Variants in REXO5 observed in about 807,000 individuals in gnomAD.
The protein encoded by REXO5 is RNA exonuclease 5, also known as exonuclease NEF-sp.
Under a neutral mutation model 88.5 loss-of-function variants are expected in REXO5, and 48 were observed. The observed-to-expected ratio is 0.54, with a 90% CI of 0.43 to 0.69. The LOEUF (loss-of-function observed/expected upper bound fraction) is 0.69, where lower values mean the gene tolerates loss of function less well. REXO5 is among the 30% of genes least tolerant of loss of function. The pLI, the probability that REXO5 is intolerant of heterozygous loss-of-function variation, is 0.00. For synonymous variants in REXO5, 311 were observed against 336.5 expected (o/e 0.92, Z 0.83); for missense variants, 749 against 912.2 (o/e 0.82, Z 2.30).
chr16:20,806,818 G>C (rs112664013), intron 1 of REXO5, 113 bp downstream of exon 1: 5 of 1,359,766 alleles, frequency 3.7e-6, no homozygotes, highest in Non-Finnish European at 3.9e-6. Context: ...GGATAGTTCG[G>C]TAAACTGAAT....
At chr16:20,815,493 C>G (rs1050553507) in intron 4 of REXO5, among the ~76,000 whole-genome samples, 12 of 152,144 alleles carry the variant, frequency 7.9e-5, no homozygotes, top group African/African-American at 2.9e-4. Flanking sequence ...CCATTTATTC[C>G]TGAAGGCATT....
chr16:20,821,379 C>T (rs536700731), intron 5 of REXO5, among the ~76,000 whole-genome samples: 103 of 152,244 alleles, frequency 6.8e-4, no homozygotes, highest in African/African-American at 2.5e-3. Flanking sequence ...CTCTGCCTCT[C>T]GGGTTCACGC....
chr16:20,838,332 G>A (rs893083984), intron 13 of REXO5, among the ~76,000 whole-genome samples: 1 of 152,000 alleles, frequency 6.6e-6, no homozygotes, highest in South Asian at 2.1e-4. Context: ...AGTAATGTTA[G>A]GTATATTTAT....
intron 18 of REXO5, 70 bp from the exon 19 acceptor site, chr16:20,846,151 G>C: frequency 8.4e-7 from 1 of 1,191,770 alleles, no homozygotes; most frequent in Non-Finnish European, 1.3e-6. Flanking sequence ...CAGAGGAAGA[G>C]TGTTGCAGCC....
Position 20,844,618 on chromosome 16 carries a change from T to G in REXO5, c.1720-11T>G. The G allele has an allele frequency of 6.2e-7, 1 of 1,613,042 alleles. No individual in the cohort carries two copies. The highest frequency in any genetic ancestry group is 1.1e-5 in the South Asian group (1 of 91,036). The stretch of plus-strand genomic sequence containing the variant: ...GATTTTCTACCACTAACACCAACTT[T>G]CCTTGGTTAGGTGCAGAGGCCTGTG... On this transcript the variant is annotated splice_polypyrimidine_tract_variant and intron_variant, in intron 16 of 19. Coordinates refer to ENST00000261377, the MANE Select transcript of REXO5 (RefSeq NM_030941.3).
At chr16:20,846,770 C>G (rs956164944) in intron 19 of REXO5, among the ~76,000 whole-genome samples, 1 of 152,192 alleles carries the variant, frequency 6.6e-6, no homozygotes, top group Non-Finnish European at 1.5e-5. Context: ...TTTGCTGATT[C>G]TAAGCCTGAG....
At chr16:20,807,943 T>C (rs535671736) in intron 2 of REXO5, among the ~76,000 whole-genome samples, 2 of 152,130 alleles carry the variant, frequency 1.3e-5, no homozygotes, top group East Asian at 3.9e-4. Context: ...GCTGGCCTGT[T>C]AGGAACCGGG....
At chr16:20,838,890 T>C (rs1315536002) in intron 13 of REXO5, among the ~76,000 whole-genome samples, 1 of 151,906 alleles carries the variant, frequency 6.6e-6, no homozygotes, top group African/African-American at 2.4e-5. Context: ...TAGGGAGAGG[T>C]GTAGATGGGA....
At chr16:20,826,914 A>G (rs2081267484) in intron 8 of REXO5, 144 bp from the exon 9 acceptor site, 3 of 774,872 alleles carry the variant, frequency 3.9e-6, no homozygotes, top group Non-Finnish European at 3.9e-6. Flanking sequence ...ATTATGACTA[A>G]TTTTTAATTC....
intron 13 of REXO5, among the ~76,000 whole-genome samples, chr16:20,837,815 G>A (rs780504113): frequency 6.6e-6 from 1 of 152,112 alleles, no homozygotes; most frequent in Non-Finnish European, 1.5e-5. Context: ...TGCCCAGGCT[G>A]GAGTGCAGTG....
intron 5 of REXO5, among the ~76,000 whole-genome samples, chr16:20,820,530 ATATATATATATATATTTTTTTTTTTT>A (rs2081158242): frequency 1.2e-4 from 1 of 8,068 alleles, no homozygotes; most frequent in African/African-American, 4.8e-4. Context: ...ATATATATAT[ATATATATATATATATTTTTTTTTTTT>A]TTTTTTTTTT....
chr16:20,840,107 T>C (rs530745523), intron 14 of REXO5: 44 of 524,358 alleles, frequency 8.4e-5, no homozygotes, highest in African/African-American at 7.4e-4. Context: ...CTTATTTCCC[T>C]TGTTTTTAAT....
chr16:20,849,173 C>A (rs140909264), intron 19 of REXO5, among the ~76,000 whole-genome samples: 1 of 152,310 alleles, frequency 6.6e-6, no homozygotes, highest in South Asian at 2.1e-4. Context: ...ATAGATATGC[C>A]TCATATCTCT....
At chr16:20,835,523 C>T (rs1361454554) in intron 13 of REXO5, among the ~76,000 whole-genome samples, 1 of 152,140 alleles carries the variant, frequency 6.6e-6, no homozygotes, top group African/African-American at 2.4e-5. Flanking sequence ...CATGGATACA[C>T]TAATCCCTAC....
At chr16:20,846,415 C>A in intron 19 of REXO5, 76 bp downstream of exon 19, 1 of 1,111,338 alleles carries the variant, frequency 9.0e-7, no homozygotes, top group Non-Finnish European at 1.4e-6. Flanking sequence ...AAGCCTTTTG[C>A]TGATATTTAG....
chr16:20,816,246 A>C, intron 5 of REXO5, 34 bp downstream of exon 5: 5 of 1,502,710 alleles, frequency 3.3e-6, no homozygotes, highest in Non-Finnish European at 4.6e-6. Context: ...TGCTTTGCTC[A>C]CTCTAAAAGA....
rs2081352786 is a variant in REXO5, at chr16:20,832,036, C to T, written c.1159-120C>T. 7.6e-6 allele frequency: 5 copies of T among 660,038 alleles called. No individual in the cohort carries two copies. The South Asian group carries it at 9.9e-5, about 13-fold the overall frequency. The allele number at this position is 660,038 out of a possible 1,614,324, so 40.9% of individuals were successfully genotyped here. A position where few individuals can be genotyped will look rare whatever the true frequency, so the allele number is the denominator to read the frequency against. On this transcript the variant is annotated intron_variant, in intron 11 of 19. Transcript: ENST00000261377. ...ATGGCAAAGCCACTGCCTAAGAGAA[C>T]AGAGAACATTATTCAAGTGGATTTT...
chr16:20,832,239 A>C lies in REXO5; in HGVS notation c.1242A>C (p.Val414=), dbSNP rs757409021. Residue 414 remains valine, a synonymous_variant, in exon 12 of 20, where the codon GTA becomes GTC. Coordinates refer to ENST00000261377, the MANE Select transcript of REXO5 (RefSeq NM_030941.3). ...AGQEPKNTAE[V]LQHPNTSVLE... ...AAGAGCCTAAAAACACAGCAGAAGT[A>C]CTTCAGCACCCAAACACAAGGTAAT... 1 of 1,610,216 alleles carries C rather than the reference A, an allele frequency of 6.2e-7. No homozygotes were observed. The highest frequency in any genetic ancestry group is 8.5e-7 in the Non-Finnish European group (1 of 1,177,552).
At chr16:20,814,887 G>A (rs1289485365) in intron 3 of REXO5, 40 bp from the exon 4 acceptor site, 6 of 1,581,466 alleles carry the variant, frequency 3.8e-6, no homozygotes, top group Admixed American at 3.7e-5. Flanking sequence ...ACTGACTTAA[G>A]GCCATCTGTC....
Sources: allele counts gnomAD v4.1 joint callset (sites outside exome capture counted in the v4.1 genomes callset), GRCh38; gene constraint gnomAD v4.1.1; transcripts MANE v1.5; gene names NCBI Gene and HGNC (gene_info 2026-07-23, HGNC 2026-07-21).